Variants in LGSN observed in about 807,000 individuals in gnomAD.
The protein encoded by LGSN is lengsin, lens protein with glutamine synthetase domain.
In LGSN, 21 loss-of-function variants were observed where a neutral mutation model predicts 19.5. That is an observed-to-expected ratio of 1.07 (90% CI 0.76 to 1.55). The LOEUF is 1.55. Ranked by LOEUF, LGSN falls within the 40% of genes most tolerant of loss-of-function variation. The pLI, the probability that LGSN is intolerant of heterozygous loss-of-function variation, is 0.00. For missense variants in LGSN, 673 were observed against 608.5 expected (o/e 1.11, Z -1.12); for synonymous variants, 257 against 215.6 (o/e 1.19, Z -1.68).
the LGSN span, among the ~76,000 whole-genome samples, chr6:63,361,937 G>T: frequency 5.9e-5 from 9 of 152,274 alleles, no homozygotes; most frequent in Admixed American, 1.3e-4. Flanking sequence ...CATTTTGCAG[G>T]TATTGTATGT....
At chr6:63,408,934 G>A in the LGSN span, among the ~76,000 whole-genome samples, 1 of 152,112 alleles carries the variant, frequency 6.6e-6, no homozygotes, top group Non-Finnish European at 1.5e-5. Flanking sequence ...TCTTTGAGAT[G>A]GAGTCTTACT....
chr6:63,314,300 T>C (rs1464476714), intron 1 of LGSN, among the ~76,000 whole-genome samples: 1 of 152,160 alleles, frequency 6.6e-6, no homozygotes. Flanking sequence ...CCATATAGGA[T>C]ACAAGAATAT....
the LGSN span, among the ~76,000 whole-genome samples, chr6:63,340,065 T>A: frequency 6.6e-6 from 1 of 152,182 alleles, no homozygotes; most frequent in African/African-American, 2.4e-5. Context: ...AGGGTGTTTT[T>A]TTTTCTTTCA....
the LGSN span, among the ~76,000 whole-genome samples, chr6:63,541,389 T>TA: frequency 1.2e-3 from 187 of 151,570 alleles, 1 homozygote; most frequent in Admixed American, 0.011. Context: ...CCCTCTCTAC[T>TA]AAAAAAACAA....
At chr6:63,450,434 T>C in the LGSN span, among the ~76,000 whole-genome samples, 1 of 151,152 alleles carries the variant, frequency 6.6e-6, no homozygotes. Context: ...TAATCCCAGC[T>C]ACTCAGGAGT....
chr6:63,400,360 G>A, the LGSN span, among the ~76,000 whole-genome samples: 3 of 152,152 alleles, frequency 2.0e-5, no homozygotes, highest in East Asian at 1.9e-4. Context: ...AGGATTCTAG[G>A]AAAGTGGGAA....
chr6:63,475,205 A>G, the LGSN span, among the ~76,000 whole-genome samples: 1 of 151,492 alleles, frequency 6.6e-6, no homozygotes, highest in East Asian at 1.9e-4. Flanking sequence ...CATATACCTC[A>G]TCATATACTT....
the LGSN span, among the ~76,000 whole-genome samples, chr6:63,565,068 T>C: frequency 6.6e-6 from 1 of 152,282 alleles, no homozygotes; most frequent in Non-Finnish European, 1.5e-5. Flanking sequence ...TGGAGTGCAG[T>C]GGCATGATCA....
chr6:63,382,583 C>T, the LGSN span, among the ~76,000 whole-genome samples: 1 of 152,184 alleles, frequency 6.6e-6, no homozygotes, highest in African/African-American at 2.4e-5. Flanking sequence ...AATCATTTGA[C>T]CATTGAGAGA....
the LGSN span, among the ~76,000 whole-genome samples, chr6:63,555,632 C>T: frequency 2.6e-4 from 40 of 151,962 alleles, no homozygotes; most frequent in African/African-American, 9.2e-4. Flanking sequence ...AGGCATACAT[C>T]CACTCTGTCT....
the LGSN span, among the ~76,000 whole-genome samples, chr6:63,500,529 C>T: frequency 1.3e-5 from 2 of 151,906 alleles, no homozygotes; most frequent in East Asian, 3.9e-4. Context: ...TCAAGTGATT[C>T]TCCTGCCTCA....
the LGSN span, among the ~76,000 whole-genome samples, chr6:63,334,650 A>G: frequency 6.6e-6 from 1 of 152,218 alleles, no homozygotes; most frequent in Non-Finnish European, 1.5e-5. Flanking sequence ...CCAAATAGCC[A>G]AAGTAATTCT....
the LGSN span, among the ~76,000 whole-genome samples, chr6:63,446,756 A>T: frequency 2.0e-5 from 3 of 152,212 alleles, no homozygotes; most frequent in African/African-American, 7.2e-5. Flanking sequence ...TATAGTTGAA[A>T]AAAGTAAGTA....
At chr6:63,336,519 C>CTGTGTG in the LGSN span, among the ~76,000 whole-genome samples, 16 of 132,122 alleles carry the variant, frequency 1.2e-4, no homozygotes, top group South Asian at 5.1e-4. Flanking sequence ...TATAGAATAT[C>CTGTGTG]TGTGTGTGTG....
the LGSN span, among the ~76,000 whole-genome samples, chr6:63,527,284 A>G: frequency 6.6e-6 from 1 of 152,170 alleles, no homozygotes; most frequent in African/African-American, 2.4e-5. Context: ...TCTATGTTCA[A>G]TCTTTCCTCC....
At chr6:63,285,292 G>GA (rs34944259) in intron 3 of LGSN, among the ~76,000 whole-genome samples, 10 of 152,006 alleles carry the variant, frequency 6.6e-5, no homozygotes, top group African/African-American at 1.9e-4. Flanking sequence ...CAGTAAGGGA[G>GA]AAAAAATAAT....
intron 1 of LGSN, among the ~76,000 whole-genome samples, chr6:63,301,309 AAAAT>A (rs1199640707): frequency 1.3e-5 from 2 of 152,166 alleles, no homozygotes; most frequent in African/African-American, 2.4e-5. Context: ...TAAATACAAT[AAAAT>A]AAATAATTCT....
chr6:63,414,899 A>AGCCAGAC, the LGSN span, among the ~76,000 whole-genome samples: 3 of 152,184 alleles, frequency 2.0e-5, no homozygotes, highest in Non-Finnish European at 4.4e-5. Context: ...TGGGCAACAG[A>AGCCAGAC]GCCAGACGCC....
At chr6:63,463,640 G>A in the LGSN span, among the ~76,000 whole-genome samples, 2 of 152,152 alleles carry the variant, frequency 1.3e-5, no homozygotes. Context: ...TATTTATGAG[G>A]CATGATATTA....
Sources: allele counts gnomAD v4.1 joint callset (sites outside exome capture counted in the v4.1 genomes callset), GRCh38; gene constraint gnomAD v4.1.1; transcripts MANE v1.5; gene names NCBI Gene and HGNC (gene_info 2026-07-23, HGNC 2026-07-21).